ABCG5: variants seen among roughly 807,000 people sequenced by gnomAD.
ABCG5 encodes ATP binding cassette subfamily G member 5.
ABCG5 carries 64 observed loss-of-function variants against 64.5 expected under a neutral mutation model. The ratio of observed to expected loss-of-function variants is 0.99; its 90% CI spans 0.81 to 1.22. The LOEUF (loss-of-function observed/expected upper bound fraction) is 1.22. Ranked by LOEUF, ABCG5 falls within the 50% of genes most tolerant of loss-of-function variation. The probability of loss-of-function intolerance (pLI) is 0.00; values close to 1 mark genes in which losing one functional copy is unlikely to be tolerated. For synonymous variants in ABCG5, 385 were observed against 326.3 expected (o/e 1.18, Z -1.94); for missense variants, 908 against 829.5 (o/e 1.09, Z -1.16).
intron 5 of ABCG5, among the ~76,000 whole-genome samples, chr2:43,826,791 G>A (rs563261302): frequency 6.6e-6 from 1 of 152,332 alleles, no homozygotes; most frequent in African/African-American, 2.4e-5. Flanking sequence ...GGCCATCTGG[G>A]CTCTGCTCAG....
intron 4 of ABCG5, 196 bp from the exon 5 acceptor site, chr2:43,828,311 C>G: frequency 1.4e-6 from 1 of 715,436 alleles, no homozygotes; most frequent in Non-Finnish European, 2.3e-6. Flanking sequence ...ATACATGTGT[C>G]AGATTTAAAT....
intron 4 of ABCG5, among the ~76,000 whole-genome samples, chr2:43,828,883 T>G (rs1470304051): frequency 2.8e-5 from 4 of 141,316 alleles, no homozygotes; most frequent in Non-Finnish European, 1.6e-5. Flanking sequence ...GAGAATTGCT[T>G]GAACCCGGGA....
At chr2:43,809,192 A>G (rs192850809), downstream of ABCG5, among the ~76,000 whole-genome samples, 220 of 152,076 alleles carry the variant, frequency 1.4e-3, no homozygotes, top group Non-Finnish European at 2.3e-3. Context: ...CGGTCTCCCT[A>G]TGTTGCCCAG....
In ABCG5 at chr2:43,831,834, C is replaced by G. The variant is rs758551848; in HGVS notation, c.436G>C (p.Glu146Gln). 1 of 1,586,740 alleles carries G rather than the reference C, an allele frequency of 6.3e-7. No individual in the cohort carries two copies. The highest frequency in any genetic ancestry group is 8.6e-7 in the Non-Finnish European group (1 of 1,168,898). Residue 146 changes from glutamate to glutamine, a missense_variant, in exon 4 of 13, where the codon GAG becomes CAG. Transcript: ENST00000405322. ...DTLLSSLTVR[E>Q]TLHYTALLAI... Reference sequence around the variant, plus strand: ...AGCAGCGCGGTGTAGTGCAGCGTCTCGCGCACGGTGAGGCTGCTCAGCAGG... The same window carrying G: ...AGCAGCGCGGTGTAGTGCAGCGTCTGGCGCACGGTGAGGCTGCTCAGCAGG...
Position 43,838,752 on chromosome 2 carries a change from C to T in ABCG5, c.-73G>A, listed in dbSNP as rs958431371. The T allele has an allele frequency of 1.9e-6, 3 of 1,581,580 alleles. No homozygotes were observed. The highest frequency in any genetic ancestry group is 1.4e-5 in the African/African-American group (1 of 73,982). On this transcript the variant is annotated 5_prime_UTR_variant, in exon 1 of 13. Coordinates refer to ENST00000405322, the MANE Select transcript of ABCG5 (RefSeq NM_022436.3). This position sits in a 1 kb window ranked among gnomAD's most constrained non-coding sequence, Gnocchi z 4.2. ...CCCCAGAGTGGCTTCAGTTGGGGAGCCCGTGGCAGACTGCCCTGCCTGCTC... is the reference window on the plus strand; with the variant it reads ...CCCCAGAGTGGCTTCAGTTGGGGAGTCCGTGGCAGACTGCCCTGCCTGCTC...
upstream of ABCG5, chr2:43,839,028 C>G (rs1440012336): frequency 1.3e-6 from 2 of 1,549,894 alleles, no homozygotes. Context: ...AGAGCTGCAG[C>G]CCAGGGTCAC....
intron 2 of ABCG5, among the ~76,000 whole-genome samples, chr2:43,833,173 A>G (rs1668053845): frequency 6.6e-6 from 1 of 152,078 alleles, no homozygotes; most frequent in Non-Finnish European, 1.5e-5. Flanking sequence ...CATATTGGAC[A>G]CAAGTTTACC....
intron 2 of ABCG5, among the ~76,000 whole-genome samples, chr2:43,836,257 C>T (rs977543295): frequency 2.0e-5 from 3 of 152,064 alleles, no homozygotes; most frequent in East Asian, 1.9e-4. Context: ...TTCCTCTTAA[C>T]AACACTACTG....
At chr2:43,835,325 T>C (rs995714965) in intron 2 of ABCG5, among the ~76,000 whole-genome samples, 29 of 152,200 alleles carry the variant, frequency 1.9e-4, no homozygotes, top group Middle Eastern at 3.4e-3. Context: ...TTCTTAGAAG[T>C]GGGACACACT....
Position 43,838,060 on chromosome 2 carries a change from C to T in ABCG5, c.144-105G>A, listed in dbSNP as rs535211403. ...ACCTGTGCCCCACCCCAGTAGTCTC[C>T]GGACAGGCTCCTAACGTGTTTCAGT... On this transcript the variant is annotated intron_variant, in intron 1 of 12. Coordinates refer to ENST00000405322, the MANE Select transcript of ABCG5 (RefSeq NM_022436.3). The surrounding 1 kb of genome is among the most constrained non-coding windows in gnomAD (Gnocchi z 4.2). 3.3e-5 allele frequency: 49 copies of T among 1,495,152 alleles called. No individual in the cohort carries two copies. The East Asian group carries it at 5.3e-4, about 16-fold the overall frequency. The allele number at this position is 1,495,152 out of a possible 1,614,324, so 92.6% of individuals were successfully genotyped here. A position where few individuals can be genotyped will look rare whatever the true frequency, so the allele number is the denominator to read the frequency against.
chr2:43,807,768 AAAAAAG>A (rs1666321488), downstream of ABCG5, among the ~76,000 whole-genome samples: 2 of 150,510 alleles, frequency 1.3e-5, no homozygotes, highest in East Asian at 1.9e-4. Context: ...AAAAAAAAAA[AAAAAAG>A]GTTACAGTTA....
At chr2:43,826,132 T>A (rs1463493606) in intron 6 of ABCG5, among the ~76,000 whole-genome samples, 3 of 151,934 alleles carry the variant, frequency 2.0e-5, no homozygotes, top group Admixed American at 1.3e-4. Flanking sequence ...TGCACCACCA[T>A]GCCTGGCTAA....
At chr2:43,807,194 T>G in the ABCG5 span, among the ~76,000 whole-genome samples, 3 of 152,128 alleles carry the variant, frequency 2.0e-5, no homozygotes, top group Middle Eastern at 3.2e-3. Flanking sequence ...TGCTGTGAAG[T>G]CAGTCCTCAA....
chr2:43,834,539 A>T (rs1185393190), intron 2 of ABCG5, among the ~76,000 whole-genome samples: 1 of 152,170 alleles, frequency 6.6e-6, no homozygotes. Context: ...TTAGTTTTTT[A>T]AAAAAATGTG....
At chr2:43,816,592 G>T (rs1255945331) in intron 11 of ABCG5, among the ~76,000 whole-genome samples, 1 of 152,154 alleles carries the variant, frequency 6.6e-6, no homozygotes, top group Non-Finnish European at 1.5e-5. Flanking sequence ...CACCTAGGCT[G>T]GAGTGCAGTG....
chr2:43,838,140 G>A lies in ABCG5; in HGVS notation c.144-185C>T, dbSNP rs767783071. On this transcript the variant is annotated intron_variant, in intron 1 of 12. Coordinates refer to ENST00000405322, the MANE Select transcript of ABCG5 (RefSeq NM_022436.3). This position sits in a 1 kb window ranked among gnomAD's most constrained non-coding sequence, Gnocchi z 4.2. ...GATAGCGACTGAGGCTGTCTGCCAC[G>A]TAGGGAGGGGGCCTGTGCTGGAGTT... 12 of 739,670 alleles carry A rather than the reference G, an allele frequency of 1.6e-5. No individual in the cohort carries two copies. Among genetic ancestry groups the A allele is most frequent in the South Asian group, 3.5e-5 (2 of 57,220 alleles). 45.8% of individuals were successfully genotyped at this position (739,670 alleles called of 1,614,324 possible). A position where few individuals can be genotyped will look rare whatever the true frequency, so the allele number is the denominator to read the frequency against.
chr2:43,826,495 T>C lies in ABCG5; in HGVS notation c.661A>G (p.Thr221Ala). 1 of 1,614,168 alleles carries C rather than the reference T, an allele frequency of 6.2e-7. No homozygotes were observed. The highest frequency in any genetic ancestry group is 8.5e-7 in the Non-Finnish European group (1 of 1,180,024). ...PKVMLFDEPT[T>A]GLDCMTANQI... ...TTAGCAGTCATGCAGTCCAGGCCTG[T>C]GGTTGGCTCATCAAACAGCATGACC... Residue 221 changes from threonine to alanine, a missense_variant, in exon 6 of 13, where the codon ACA (threonine) becomes GCA (alanine). Coordinates refer to ENST00000405322, the MANE Select transcript of ABCG5 (RefSeq NM_022436.3).
downstream of ABCG5, among the ~76,000 whole-genome samples, chr2:43,807,699 A>T (rs1035055027): frequency 5.8e-5 from 8 of 137,526 alleles, no homozygotes; most frequent in South Asian, 2.5e-4. Flanking sequence ...GATTACAGGC[A>T]TGAGCCACTG....
chr2:43,812,748 C>T lies in ABCG5; in HGVS notation c.*368G>A. The T allele has an allele frequency of 9.7e-6, 2 of 205,566 alleles. No individual in the cohort carries two copies. Among genetic ancestry groups the T allele is most frequent in the South Asian group, 8.9e-5 (1 of 11,236 alleles). 12.7% of individuals were successfully genotyped at this position (205,566 alleles called of 1,614,324 possible). The stretch of plus-strand genomic sequence containing the variant: ...GAATCCTTGAAACATTTTATTTTTG[C>T]CTAATCCTTTATCCAATGTAAACAT... On this transcript the variant is annotated 3_prime_UTR_variant, in exon 13 of 13. Transcript: ENST00000405322.
Sources: gnomAD v4.1 joint callset for allele counts (sites outside exome capture counted in the v4.1 genomes callset) on GRCh38, gnomAD v4.1.1 for gene constraint, Gnocchi (gnomAD v3.1) non-coding constraint, MANE v1.5 for transcripts, NCBI Gene and HGNC (gene_info 2026-07-23, HGNC 2026-07-21) for gene names.